BCL2L1: variants seen among roughly 807,000 people sequenced by gnomAD.
The protein encoded by BCL2L1 is BCL2 like 1, also known as bcl-2-like protein 1.
In BCL2L1, 1 loss-of-function variant was observed where a neutral mutation model predicts 18.7. That is an observed-to-expected ratio of 0.05 (90% CI 0.02 to 0.25). The LOEUF is 0.25. BCL2L1 is among the 10% of genes least tolerant of loss of function. The pLI is 1.00. For missense variants in BCL2L1, 207 were observed against 304.9 expected, an observed-to-expected ratio of 0.68 and a Z score of 2.39; for synonymous variants, 103 against 122.7, an observed-to-expected ratio of 0.84 and a Z score of 1.06.
intron 2 of BCL2L1, among the ~76,000 whole-genome samples, chr20:31,688,864 C>T (rs990801970): frequency 1.3e-5 from 2 of 152,156 alleles, no homozygotes; most frequent in Non-Finnish European, 2.9e-5. Flanking sequence ...TATGTACTGA[C>T]ACAGAAAGAT....
intron 2 of BCL2L1, among the ~76,000 whole-genome samples, chr20:31,669,573 C>G (rs968693546): frequency 6.6e-6 from 1 of 151,792 alleles, no homozygotes; most frequent in Non-Finnish European, 1.5e-5. Flanking sequence ...CTGCCTCAGC[C>G]CCCCGAGTAG....
At chr20:31,688,743 A>G (rs1280908486) in intron 2 of BCL2L1, among the ~76,000 whole-genome samples, 2 of 152,230 alleles carry the variant, frequency 1.3e-5, no homozygotes, top group African/African-American at 2.4e-5. Context: ...TGTCACTATT[A>G]TAACTGCAAA....
intron 2 of BCL2L1, among the ~76,000 whole-genome samples, chr20:31,683,472 T>C (rs1213300160): frequency 1.3e-5 from 2 of 152,106 alleles, no homozygotes; most frequent in Non-Finnish European, 2.9e-5. Flanking sequence ...CCTCTTAGAA[T>C]GTAAACTTCA....
intron 2 of BCL2L1, among the ~76,000 whole-genome samples, chr20:31,673,480 C>CA (rs2060707336): frequency 7.3e-6 from 1 of 137,220 alleles, no homozygotes; most frequent in East Asian, 2.0e-4. Context: ...CCTGTCTCTA[C>CA]AAAAAAATTA....
intron 2 of BCL2L1, among the ~76,000 whole-genome samples, chr20:31,688,669 C>G (rs1377819908): frequency 6.6e-6 from 1 of 151,916 alleles, no homozygotes; most frequent in African/African-American, 2.4e-5. Flanking sequence ...AGGGATTCAT[C>G]CCCCCCAGAT....
upstream of BCL2L1, chr20:31,723,538 G>A (rs937062437): frequency 4.1e-6 from 4 of 984,732 alleles, no homozygotes; most frequent in Non-Finnish European, 4.8e-6. Context: ...CCGGGTACCC[G>A]CCGAGCCACC....
At chr20:31,723,601 G>A, upstream of BCL2L1, 1 of 985,418 alleles carries the variant, frequency 1.0e-6, no homozygotes, top group Non-Finnish European at 1.2e-6. Context: ...AGACCTTCCT[G>A]AGAGGAGGGG....
intron 2 of BCL2L1, among the ~76,000 whole-genome samples, chr20:31,668,637 C>T (rs1169818810): frequency 6.9e-6 from 1 of 145,546 alleles, no homozygotes; most frequent in Admixed American, 7.0e-5. Flanking sequence ...AGAGTTTTAC[C>T]CTTGTTGCCC....
chr20:31,704,039 C>A (rs2061330034), intron 2 of BCL2L1, among the ~76,000 whole-genome samples: 1 of 148,676 alleles, frequency 6.7e-6, no homozygotes, highest in African/African-American at 2.5e-5. Context: ...CTTAGTTGAT[C>A]CACTCGGCTT....
chr20:31,670,160 G>C (rs2060645263), intron 2 of BCL2L1, among the ~76,000 whole-genome samples: 2 of 152,174 alleles, frequency 1.3e-5, no homozygotes, highest in African/African-American at 4.8e-5. Context: ...GGGGAAAGGA[G>C]GGCACTAGGG....
chr20:31,669,917 G>A (rs1485430362), intron 2 of BCL2L1, among the ~76,000 whole-genome samples: 1 of 152,228 alleles, frequency 6.6e-6, no homozygotes, highest in Non-Finnish European at 1.5e-5. Context: ...CTGAGATGTA[G>A]ATTTGAGCCA....
In BCL2L1 at chr20:31,722,091, G is replaced by C. The variant is rs145910874; in HGVS notation, c.128C>G (p.Ser43Trp). The C allele has an allele frequency of 1.3e-6, 2 of 1,588,518 alleles. No homozygotes were observed. The highest frequency in any genetic ancestry group is 1.3e-5 in the African/African-American group (1 of 74,574). ...NRTEAPEGTE[S>W]EMETPSAING... is the part of the protein sequence containing the mutation. ...GATGGCACTGGGGGTCTCCATCTCC[G>C]ATTCAGTCCCTTCTGGGGCCTCAGT... The change falls in exon 2 of 3, where the codon TCG (serine) becomes TGG (tryptophan). Residue 43 changes from serine (S) to tryptophan (W), a missense_variant. Coordinates refer to ENST00000307677, the MANE Select transcript of BCL2L1 (RefSeq NM_138578.3).
At chr20:31,707,550 G>A (rs6060832) in intron 2 of BCL2L1, among the ~76,000 whole-genome samples, 44,206 of 151,832 alleles carry the variant, frequency 0.29, 8,064 homozygotes, top group African/African-American at 0.51. Context: ...AGGCTGAGGC[G>A]GACAGATCAC....
At position 31,710,381 on chromosome 20, in the gene BCL2L1, T is replaced by C. The variant is rs546558820; in HGVS notation, c.564+11274A>G. ...AGCAAGCCTATAAGGAAGAGATTACTATCATCTTCATTAAGAGATTAGTAT... is the reference window on the plus strand; with the variant it reads ...AGCAAGCCTATAAGGAAGAGATTACCATCATCTTCATTAAGAGATTAGTAT... On this transcript the variant is annotated intron_variant, in intron 2 of 2. Transcript: ENST00000307677. Among the ~76,000 whole-genome samples, 4 of 152,312 alleles carry C rather than the reference T, an allele frequency of 2.6e-5. No homozygotes were observed. In the South Asian group the frequency reaches 6.2e-4, roughly 24 times the overall value.
At chr20:31,720,270 T>C in intron 2 of BCL2L1, 2 of 622,308 alleles carry the variant, frequency 3.2e-6, no homozygotes, top group Non-Finnish European at 4.0e-6. Flanking sequence ...TCTTGCTCAG[T>C]GGTAAAGTGA....
intron 2 of BCL2L1, among the ~76,000 whole-genome samples, chr20:31,719,536 T>C (rs1334406019): frequency 6.6e-6 from 1 of 152,214 alleles, no homozygotes; most frequent in East Asian, 1.9e-4. Context: ...TCAGAAATGG[T>C]TCTGATATAA....
chr20:31,665,896 T>G lies in BCL2L1; in HGVS notation c.*53A>C. 6.3e-7 allele frequency: 1 copy of G among 1,594,544 alleles called. No homozygotes were observed. On this transcript the variant is annotated 3_prime_UTR_variant, in exon 3 of 3. Coordinates refer to ENST00000307677, the MANE Select transcript of BCL2L1 (RefSeq NM_138578.3). ...GTGGCAATGGCGGCTGGACGGAGGA[T>G]GTGGTGGAGCAGAGAAGGGGGTGGG...
chr20:31,709,274 C>T (rs530773396), intron 2 of BCL2L1, among the ~76,000 whole-genome samples: 2 of 152,246 alleles, frequency 1.3e-5, no homozygotes, highest in South Asian at 4.1e-4. Context: ...CATACTCCAC[C>T]CTCCAGTTCT....
At chr20:31,713,946 A>G (rs1015073077) in intron 2 of BCL2L1, among the ~76,000 whole-genome samples, 1 of 152,146 alleles carries the variant, frequency 6.6e-6, no homozygotes, top group African/African-American at 2.4e-5. Flanking sequence ...TGAAACGGAG[A>G]TGTCATCCTT....
Sources: allele counts gnomAD v4.1 joint callset (sites outside exome capture counted in the v4.1 genomes callset), GRCh38; gene constraint gnomAD v4.1.1; transcripts MANE v1.5; gene names NCBI Gene and HGNC (gene_info 2026-07-23, HGNC 2026-07-21).